The following RSRC1 variants were observed in gnomAD, a reference collection of about 807,000 sequenced individuals.
The protein encoded by RSRC1 is arginine and serine rich coiled-coil 1, also known as serine/Arginine-related protein 53.
RSRC1 carries 39 observed loss-of-function variants against 49.1 expected under a neutral mutation model. The observed-to-expected ratio is 0.79, with a 90% confidence interval of 0.61 to 1.04. The LOEUF is 1.04. RSRC1 is among the 50% of genes least tolerant of loss of function. RSRC1 has a pLI of 0.00. For synonymous variants in RSRC1, 143 were observed against 130.8 expected (o/e 1.09, Z -0.63); for missense variants, 388 against 402.4 (o/e 0.96, Z 0.31).
At chr3:158,159,031 T>G (rs1484254914) in intron 3 of RSRC1, among the ~76,000 whole-genome samples, 1 of 152,158 alleles carries the variant, frequency 6.6e-6, no homozygotes, top group Non-Finnish European at 1.5e-5. Flanking sequence ...TTTTTGTTCT[T>G]ATTTCCCAAC....
At chr3:158,128,452 A>C (rs1715777545) in intron 3 of RSRC1, among the ~76,000 whole-genome samples, 1 of 152,032 alleles carries the variant, frequency 6.6e-6, no homozygotes, top group Non-Finnish European at 1.5e-5. Flanking sequence ...GAGGGCTGGG[A>C]TTTCCTATAC....
rs1183641505 is a variant in RSRC1, at chr3:158,123,950, C to A, written c.279C>A (p.Ser93=). Residue 93 remains serine, a synonymous_variant, in exon 3 of 10, where the codon TCC becomes TCA. Coordinates refer to ENST00000611884, the MANE Select transcript of RSRC1 (RefSeq NM_001271838.2). ...GTCGTTCAAGGGGTCGAGGGAAATC[C>A]TATAGAGTTCAGAGGTCTAGGTCAA... ...SRSRSRGRGK[S]YRVQRSRSKS... 1 of 1,612,274 alleles carries A rather than the reference C, an allele frequency of 6.2e-7. No individual in the cohort carries two copies.
intron 6 of RSRC1, among the ~76,000 whole-genome samples, chr3:158,365,619 T>A (rs1263976278): frequency 6.6e-6 from 1 of 152,226 alleles, no homozygotes; most frequent in Non-Finnish European, 1.5e-5. Context: ...CATGTGCATG[T>A]GTCTTTATAG....
chr3:158,142,170 T>G (rs1224373701), intron 3 of RSRC1, among the ~76,000 whole-genome samples: 1 of 152,242 alleles, frequency 6.6e-6, no homozygotes, highest in African/African-American at 2.4e-5. Flanking sequence ...CATCATGATT[T>G]GAAAGTTTTA....
chr3:158,416,826 G>A (rs1734760087), intron 6 of RSRC1, among the ~76,000 whole-genome samples: 1 of 151,916 alleles, frequency 6.6e-6, no homozygotes, highest in Non-Finnish European at 1.5e-5. Flanking sequence ...AGTAAATATT[G>A]TTAGAAGTAA....
rs550056740 is a variant in RSRC1 at position 158,417,842 on chromosome 3, TA to T, written c.584-43085del. ...AATAAAATGGTGATATGTGACTTAT[TA>T]AAAAAAATCAGAAAAAAGGAAAAAT... On this transcript the variant is annotated intron_variant, in intron 6 of 9. Transcript: ENST00000611884. Among the ~76,000 whole-genome samples, 1,161 of 151,144 alleles carry T rather than the reference TA, an allele frequency of 7.7e-3. 22 individuals carry two copies. Among genetic ancestry groups the T allele is most frequent in the African/African-American group, 0.027 (1,123 of 41,332 alleles).
At chr3:158,137,655 C>CTTTTTTT (rs11388972) in intron 3 of RSRC1, among the ~76,000 whole-genome samples, 4 of 138,516 alleles carry the variant, frequency 2.9e-5, no homozygotes, top group Admixed American at 7.3e-5. Context: ...TTTTCTTTTT[C>CTTTTTTT]TTTTTTTTTT....
chr3:158,154,160 G>A (rs966847024), intron 3 of RSRC1, among the ~76,000 whole-genome samples: 6 of 142,642 alleles, frequency 4.2e-5, no homozygotes, highest in African/African-American at 7.4e-5. Flanking sequence ...ACCATAGTCT[G>A]TTAAGTATGT....
chr3:158,354,941 A>C (rs762716559), intron 6 of RSRC1, 33 bp downstream of exon 6: 1 of 1,443,906 alleles, frequency 6.9e-7, no homozygotes, highest in South Asian at 1.4e-5. Flanking sequence ...TATTAAATGA[A>C]GAAGTGACGA....
intron 4 of RSRC1, among the ~76,000 whole-genome samples, chr3:158,250,203 T>C (rs1166586204): frequency 1.3e-5 from 2 of 152,340 alleles, no homozygotes; most frequent in African/African-American, 4.8e-5. Context: ...ACGTTTTCTT[T>C]ATCCATTTCT....
chr3:158,472,042 A>T (rs1205399609), intron 7 of RSRC1, among the ~76,000 whole-genome samples: 1 of 152,170 alleles, frequency 6.6e-6, no homozygotes, highest in Non-Finnish European at 1.5e-5. Context: ...GATCACTAAA[A>T]AATAAAAACT....
chr3:158,331,161 T>G (rs561552766), intron 5 of RSRC1, among the ~76,000 whole-genome samples: 1 of 152,358 alleles, frequency 6.6e-6, no homozygotes, highest in East Asian at 1.9e-4. Flanking sequence ...TGAGATTTGG[T>G]GTTGGGCTCA....
intron 7 of RSRC1, among the ~76,000 whole-genome samples, chr3:158,516,225 G>A (rs920381133): frequency 2.6e-5 from 4 of 152,140 alleles, no homozygotes; most frequent in East Asian, 3.9e-4. Flanking sequence ...CATCTTTGTG[G>A]TTTTATCTAC....
chr3:158,501,490 TATCTCATTTCTTAG>T (rs1162072058), intron 7 of RSRC1, among the ~76,000 whole-genome samples: 5 of 152,210 alleles, frequency 3.3e-5, no homozygotes, highest in Admixed American at 6.5e-5. Context: ...TGTTGCTGTC[TATCTCATTTCTTAG>T]ATCTATTAGT....
chr3:158,311,900 T>G (rs570564206), intron 5 of RSRC1, among the ~76,000 whole-genome samples: 95 of 152,116 alleles, frequency 6.2e-4, no homozygotes, highest in African/African-American at 2.2e-3. Context: ...GTGGGGAAAT[T>G]TTTTTCTTTA....
At chr3:158,164,549 T>G (rs1321163884) in intron 3 of RSRC1, among the ~76,000 whole-genome samples, 1 of 152,102 alleles carries the variant, frequency 6.6e-6, no homozygotes, top group Non-Finnish European at 1.5e-5. Context: ...TTTTTTTTCT[T>G]TGTTTAAGTG....
intron 6 of RSRC1, among the ~76,000 whole-genome samples, chr3:158,438,599 G>A (rs1426684055): frequency 2.6e-5 from 4 of 152,118 alleles, no homozygotes; most frequent in African/African-American, 9.7e-5. Flanking sequence ...ATGGTGCTGG[G>A]AAAACTGGCT....
intron 6 of RSRC1, among the ~76,000 whole-genome samples, chr3:158,431,822 G>C (rs1399376954): frequency 1.3e-5 from 2 of 151,824 alleles, no homozygotes; most frequent in Non-Finnish European, 2.9e-5. Context: ...TATAACTTAA[G>C]TAAATTGTTT....
chr3:158,419,270 C>G (rs908939800), intron 6 of RSRC1, among the ~76,000 whole-genome samples: 2 of 151,900 alleles, frequency 1.3e-5, no homozygotes, highest in South Asian at 4.1e-4. Context: ...CCAGGGTCTT[C>G]CTGATTAGTA....
Sources: allele counts gnomAD v4.1 joint callset (sites outside exome capture counted in the v4.1 genomes callset), GRCh38; gene constraint gnomAD v4.1.1; transcripts MANE v1.5; gene names NCBI Gene and HGNC (gene_info 2026-07-23, HGNC 2026-07-21).